Variants in FGF2 observed in about 807,000 individuals in gnomAD.
FGF2 encodes basic fibroblast growth factor bFGF.
A neutral mutation model predicts 15.9 loss-of-function variants in FGF2; 13 were observed. That is an observed-to-expected ratio of 0.82 (90% CI 0.53 to 1.30). The LOEUF (loss-of-function observed/expected upper bound fraction) is 1.30, where lower values mean the gene tolerates loss of function less well. Among genes scored for constraint, FGF2 ranks in the 50% most tolerant of loss-of-function variants. The pLI is 0.00. For synonymous variants in FGF2, 90 were observed against 78.4 expected, an observed-to-expected ratio of 1.15 and a Z score of -0.78; for missense variants, 163 against 196.9, an observed-to-expected ratio of 0.83 and a Z score of 1.03.
At chr4:122,877,642 T>C (rs1314009513) in intron 2 of FGF2, among the ~76,000 whole-genome samples, 1 of 152,264 alleles carries the variant, frequency 6.6e-6, no homozygotes, top group Admixed American at 6.5e-5. Context: ...GACATGTATG[T>C]AAATGTTTGT....
intron 1 of FGF2, among the ~76,000 whole-genome samples, chr4:122,849,438 C>A (rs972515005): frequency 6.6e-6 from 1 of 151,992 alleles, no homozygotes; most frequent in Non-Finnish European, 1.5e-5. Context: ...ACATCACACA[C>A]CAGGGCCTGT....
Position 122,897,850 on chromosome 4 carries a change from T to G in FGF2, c.*5454T>G, listed in dbSNP as rs548024082. The G allele has an allele frequency of 1.7e-5, 10 of 592,018 alleles. No individual in the cohort carries two copies. Among genetic ancestry groups the G allele is most frequent in the African/African-American group, 3.8e-5 (2 of 53,230 alleles). 36.7% of individuals were successfully genotyped at this position (592,018 alleles called of 1,614,324 possible). Reference sequence around the variant, plus strand: ...CTTTCTCCCTCGTTTCTTCTTTTTTTGGGGGAGCTGGTAACTGATGAAATC... The same window carrying G: ...CTTTCTCCCTCGTTTCTTCTTTTTTGGGGGGAGCTGGTAACTGATGAAATC... On this transcript the variant is annotated 3_prime_UTR_variant, in exon 3 of 3. Transcript: ENST00000644866.
chr4:122,893,297 G>T lies in FGF2; in HGVS notation c.*901G>T, dbSNP rs1041426515. The T allele has an allele frequency of 7.1e-7, 1 of 1,418,330 alleles. No homozygotes were observed. The highest frequency in any genetic ancestry group is 1.4e-5 in the African/African-American group (1 of 69,556). The allele number at this position is 1,418,330 out of a possible 1,614,324, so 87.9% of individuals were successfully genotyped here. Reference sequence around the variant, plus strand: ...GAAACTGTATCATCAAAGATTTTCAGTTAAAGTAGCATTATGTAAAGGCTC... The same window carrying T: ...GAAACTGTATCATCAAAGATTTTCATTTAAAGTAGCATTATGTAAAGGCTC... On this transcript the variant is annotated 3_prime_UTR_variant, in exon 3 of 3. Transcript: ENST00000644866.
At chr4:122,884,318 AC>A (rs1211272439) in intron 2 of FGF2, 1 of 152,162 alleles carries the variant, frequency 6.6e-6, no homozygotes, top group African/African-American at 2.4e-5. Flanking sequence ...ACATGGCGAA[AC>A]CCCATCTCTA....
intron 1 of FGF2, among the ~76,000 whole-genome samples, chr4:122,843,380 A>G (rs1344000975): frequency 2.6e-5 from 4 of 152,260 alleles, no homozygotes; most frequent in African/African-American, 7.2e-5. Flanking sequence ...GGACTGGATT[A>G]TGATGGGCCT....
chr4:122,892,776 A>G lies in FGF2; in HGVS notation c.*380A>G. 2.1e-6 allele frequency: 3 copies of G among 1,441,704 alleles called. No homozygotes were observed. Among genetic ancestry groups the G allele is most frequent in the Non-Finnish European group, 1.9e-6 (2 of 1,067,364 alleles). 89.3% of individuals were successfully genotyped at this position (1,441,704 alleles called of 1,614,324 possible). A position where few individuals can be genotyped will look rare whatever the true frequency, so the allele number is the denominator to read the frequency against. On this transcript the variant is annotated 3_prime_UTR_variant, in exon 3 of 3. Coordinates refer to ENST00000644866, the MANE Select transcript of FGF2 (RefSeq NM_001361665.2). ...GTTTAATCAATCCAAAATGTCCACT[A>G]TTTCTTATGTCATTCGTTAGTCTAC...
chr4:122,850,999 C>T lies in FGF2; in HGVS notation c.178+23647C>T, dbSNP rs184732008. 3.4e-3 allele frequency among the ~76,000 whole-genome samples: 512 copies of T among 152,222 alleles called. 4 individuals are homozygous for T. Among genetic ancestry groups the T allele is most frequent in the Non-Finnish European group, 5.5e-3 (373 of 68,012 alleles). On this transcript the variant is annotated intron_variant, in intron 1 of 2. Coordinates refer to ENST00000644866, the MANE Select transcript of FGF2 (RefSeq NM_001361665.2). ...AGAACACATAGTATAAGAAGACTTTCTTTGGGGAGAGAAGACTTCTTGGTA... is the reference window on the plus strand; with the variant it reads ...AGAACACATAGTATAAGAAGACTTTTTTTGGGGAGAGAAGACTTCTTGGTA...
chr4:122,879,252 A>G (rs957553115), intron 2 of FGF2, among the ~76,000 whole-genome samples: 1 of 152,228 alleles, frequency 6.6e-6, no homozygotes, highest in African/African-American at 2.4e-5. Flanking sequence ...CTCCCATGAA[A>G]GTGAACCAAT....
chr4:122,845,301 A>G (rs553728622), intron 1 of FGF2, among the ~76,000 whole-genome samples: 7 of 152,326 alleles, frequency 4.6e-5, no homozygotes, highest in African/African-American at 1.7e-4. Flanking sequence ...GAGTAGATTT[A>G]GCATAATTCT....
chr4:122,861,138 C>G (rs969533057), intron 1 of FGF2, among the ~76,000 whole-genome samples: 22 of 152,088 alleles, frequency 1.4e-4, no homozygotes, highest in Admixed American at 8.5e-4. Flanking sequence ...GCCCTTTAAT[C>G]TGCGCTGGCT....
intron 2 of FGF2, chr4:122,883,299 T>C (rs1009711616): frequency 6.6e-6 from 1 of 152,208 alleles, no homozygotes; most frequent in African/African-American, 2.4e-5. Context: ...GATTACCAAT[T>C]AGAGTATGAA....
At chr4:122,841,658 C>G (rs762153325) in intron 1 of FGF2, among the ~76,000 whole-genome samples, 3 of 152,132 alleles carry the variant, frequency 2.0e-5, no homozygotes, top group Non-Finnish European at 2.9e-5. Flanking sequence ...GACAGCTGAT[C>G]CTATTTTCCA....
chr4:122,866,339 G>A (rs1164781595), intron 1 of FGF2, among the ~76,000 whole-genome samples: 2 of 150,044 alleles, frequency 1.3e-5, no homozygotes, highest in South Asian at 2.1e-4. Context: ...CTGCACTCCC[G>A]CCTGGGTGAA....
At chr4:122,861,569 C>A (rs1481340947) in intron 1 of FGF2, among the ~76,000 whole-genome samples, 2 of 151,872 alleles carry the variant, frequency 1.3e-5, no homozygotes, top group African/African-American at 4.8e-5. Flanking sequence ...TCCTTCATGT[C>A]TCCCGTATTT....
chr4:122,861,032 GC>G (rs1726453132), intron 1 of FGF2, among the ~76,000 whole-genome samples: 2 of 152,154 alleles, frequency 1.3e-5, no homozygotes, highest in African/African-American at 4.8e-5. Context: ...GTATCTTCCT[GC>G]ACTAGCTCGT....
At chr4:122,888,578 T>G (rs1455241263) in intron 2 of FGF2, 4 of 152,242 alleles carry the variant, frequency 2.6e-5, no homozygotes, top group Non-Finnish European at 4.4e-5. Flanking sequence ...TTGGCCTACT[T>G]GCTACCCCTC....
At chr4:122,883,095 T>A (rs1726992097) in intron 2 of FGF2, 4 of 152,250 alleles carry the variant, frequency 2.6e-5, no homozygotes, top group Admixed American at 2.6e-4. Flanking sequence ...AACTTGCACT[T>A]GCCAGAGGCA....
intron 2 of FGF2, among the ~76,000 whole-genome samples, chr4:122,880,881 G>T (rs955881603): frequency 1.3e-5 from 2 of 152,208 alleles, no homozygotes; most frequent in Non-Finnish European, 2.9e-5. Flanking sequence ...CCTAGCAGAG[G>T]TTCTCCATGA....
At chr4:122,846,034 A>G (rs1361526635) in intron 1 of FGF2, among the ~76,000 whole-genome samples, 1 of 152,188 alleles carries the variant, frequency 6.6e-6, no homozygotes, top group Non-Finnish European at 1.5e-5. Flanking sequence ...TCACTTGAAC[A>G]CTGAGAGGCC....
Sources: gnomAD v4.1 joint callset for allele counts (sites outside exome capture counted in the v4.1 genomes callset) on GRCh38, gnomAD v4.1.1 for gene constraint, MANE v1.5 for transcripts, NCBI Gene and HGNC (gene_info 2026-07-23, HGNC 2026-07-21) for gene names.